The following ERBB4 variants were observed in gnomAD, a reference collection of about 807,000 sequenced individuals.
ERBB4 encodes the protein erb-b2 receptor tyrosine kinase 4.
In ERBB4, 42 loss-of-function variants were observed where a neutral mutation model predicts 158.0. The observed-to-expected ratio is 0.27, with a 90% CI of 0.21 to 0.34. The LOEUF (loss-of-function observed/expected upper bound fraction) is 0.34. Ranked by LOEUF, ERBB4 falls within the 10% of genes least tolerant of loss-of-function variation. ERBB4 has a pLI of 1.00. For missense variants in ERBB4, 1,333 were observed against 1,624.1 expected (o/e 0.82, Z 3.08); for synonymous variants, 583 against 558.7 (o/e 1.04, Z -0.61).
chr2:211,996,765 A>G (rs749575848), intron 2 of ERBB4, among the ~76,000 whole-genome samples: 1 of 152,184 alleles, frequency 6.6e-6, no homozygotes, highest in Non-Finnish European at 1.5e-5. Context: ...TTCACTCATC[A>G]GTAAATCCTA....
chr2:212,400,953 A>G (rs373866625), intron 1 of ERBB4, among the ~76,000 whole-genome samples: 32 of 152,310 alleles, frequency 2.1e-4, no homozygotes, highest in East Asian at 1.2e-3. Context: ...CACCTCTCAT[A>G]TTAGTAGCTC....
chr2:211,855,362 T>A (rs962127420), intron 3 of ERBB4, among the ~76,000 whole-genome samples: 5 of 152,170 alleles, frequency 3.3e-5, no homozygotes, highest in African/African-American at 1.2e-4. Context: ...TTTATCAATC[T>A]TTTGCTTCAT....
chr2:211,889,835 C>T (rs559545573), intron 3 of ERBB4, among the ~76,000 whole-genome samples: 155 of 151,664 alleles, frequency 1.0e-3, no homozygotes, highest in Non-Finnish European at 1.2e-3. Context: ...TGAAATGAAG[C>T]GAGAAGGGAA....
chr2:211,762,837 A>G (rs950291354), intron 4 of ERBB4, among the ~76,000 whole-genome samples: 1 of 152,062 alleles, frequency 6.6e-6, no homozygotes, highest in Non-Finnish European at 1.5e-5. Flanking sequence ...CAAAACCCCA[A>G]TCCTAGTTTT....
At chr2:211,988,084 T>A (rs917278622) in intron 2 of ERBB4, among the ~76,000 whole-genome samples, 29 of 152,198 alleles carry the variant, frequency 1.9e-4, no homozygotes, top group African/African-American at 6.8e-4. Flanking sequence ...TAATTAGGAC[T>A]TTTTTATTAT....
chr2:211,399,222 AGT>A (rs2062983576), intron 25 of ERBB4, among the ~76,000 whole-genome samples: 1 of 152,210 alleles, frequency 6.6e-6, no homozygotes, highest in Admixed American at 6.5e-5. Flanking sequence ...TTATTTCATC[AGT>A]GTGTCTTTTT....
chr2:212,061,158 A>G (rs1237717914), intron 2 of ERBB4, among the ~76,000 whole-genome samples: 1 of 152,000 alleles, frequency 6.6e-6, no homozygotes, highest in Non-Finnish European at 1.5e-5. Context: ...CCAAGTAAAT[A>G]TTAAAGAGGA....
intron 19 of ERBB4, among the ~76,000 whole-genome samples, chr2:211,609,093 TCTGA>T (rs1430527449): frequency 1.3e-5 from 2 of 152,122 alleles, no homozygotes; most frequent in Non-Finnish European, 2.9e-5. Flanking sequence ...AAGGTTTTTC[TCTGA>T]CTTTCTCCTG....
intron 20 of ERBB4, among the ~76,000 whole-genome samples, chr2:211,457,471 G>A (rs964151554): frequency 6.6e-6 from 1 of 152,142 alleles, no homozygotes; most frequent in Non-Finnish European, 1.5e-5. Context: ...CTCTCATTGA[G>A]GAATAGCACA....
intron 1 of ERBB4, among the ~76,000 whole-genome samples, chr2:212,369,442 G>T (rs1378833871): frequency 2.6e-5 from 4 of 152,010 alleles, no homozygotes; most frequent in Admixed American, 2.6e-4. Flanking sequence ...AACAATAAAA[G>T]ATGTTTAAAT....
intron 1 of ERBB4, among the ~76,000 whole-genome samples, chr2:212,154,751 A>G (rs1029466862): frequency 2.0e-5 from 3 of 152,138 alleles, no homozygotes; most frequent in Non-Finnish European, 4.4e-5. Flanking sequence ...AAGCCTGTTC[A>G]ATGACATCAG....
chr2:211,525,814 C>T (rs922005663), intron 20 of ERBB4, among the ~76,000 whole-genome samples: 5 of 152,056 alleles, frequency 3.3e-5, no homozygotes, highest in Admixed American at 2.0e-4. Flanking sequence ...GGCAATACTC[C>T]CCATGGGCCT....
intron 1 of ERBB4, among the ~76,000 whole-genome samples, chr2:212,347,161 C>A (rs756676485): frequency 6.6e-6 from 1 of 152,058 alleles, no homozygotes; most frequent in Admixed American, 6.6e-5. Flanking sequence ...AATAATAACA[C>A]ATTTCATTTT....
intron 1 of ERBB4, among the ~76,000 whole-genome samples, chr2:212,202,864 T>C (rs2082627720): frequency 2.6e-5 from 4 of 152,062 alleles, no homozygotes; most frequent in Admixed American, 2.0e-4. Flanking sequence ...ATAAAAACTA[T>C]TAGTTTTATG....
At chr2:211,658,106 G>T (rs1382712506) in intron 15 of ERBB4, 5 of 728,360 alleles carry the variant, frequency 6.9e-6, no homozygotes, top group Non-Finnish European at 1.1e-5. Context: ...GACTATTTTG[G>T]AACACAATGA....
chr2:211,916,382 G>C (rs1336828220), intron 3 of ERBB4, among the ~76,000 whole-genome samples: 1 of 152,058 alleles, frequency 6.6e-6, no homozygotes, highest in African/African-American at 2.4e-5. Context: ...GTTTCACCAT[G>C]TTGGCTAGGC....
chr2:212,247,062 G>A (rs2084335495), intron 1 of ERBB4, among the ~76,000 whole-genome samples: 1 of 151,998 alleles, frequency 6.6e-6, no homozygotes, highest in Admixed American at 6.6e-5. Flanking sequence ...AATAATTTTA[G>A]TATCAATAAA....
chr2:211,872,279 C>T (rs1240771937), intron 3 of ERBB4, among the ~76,000 whole-genome samples: 5 of 152,024 alleles, frequency 3.3e-5, no homozygotes, highest in Admixed American at 1.3e-4. Context: ...TTACAACATT[C>T]GGGTTCAAGG....
intron 1 of ERBB4, among the ~76,000 whole-genome samples, chr2:212,470,512 G>A (rs1409952307): frequency 6.6e-6 from 1 of 152,132 alleles, no homozygotes; most frequent in East Asian, 1.9e-4. Flanking sequence ...AAGGGAAGAA[G>A]AGAACCTTAT....
Sources: gnomAD v4.1 joint callset for allele counts (sites outside exome capture counted in the v4.1 genomes callset) on GRCh38, gnomAD v4.1.1 for gene constraint, MANE v1.5 for transcripts, NCBI Gene and HGNC (gene_info 2026-07-23, HGNC 2026-07-21) for gene names.